Variants in TLN2 observed in about 807,000 individuals in gnomAD.
The protein encoded by TLN2 is talin 2.
A neutral mutation model predicts 294.7 loss-of-function variants in TLN2; 118 were observed. That is an observed-to-expected ratio of 0.40 (90% confidence interval 0.34 to 0.47). TLN2 has a LOEUF of 0.47. Among genes scored for constraint, TLN2 ranks in the 20% least tolerant of loss-of-function variants. The pLI, the probability that TLN2 is intolerant of heterozygous loss-of-function variation, is 0.84. For synonymous variants in TLN2, 1,431 were observed against 1,304.5 expected (o/e 1.10, Z -2.09); for missense variants, 3,083 against 3,282.2 (o/e 0.94, Z 1.48).
At chr15:62,435,596 C>T (rs926360687) in intron 1 of TLN2, among the ~76,000 whole-genome samples, 9 of 152,112 alleles carry the variant, frequency 5.9e-5, no homozygotes, top group African/African-American at 1.7e-4. Context: ...GGCTGGAGTG[C>T]GATGGCGCGA....
chr15:62,458,640 G>A (rs78715019), intron 1 of TLN2, among the ~76,000 whole-genome samples: 4 of 151,058 alleles, frequency 2.6e-5, no homozygotes, highest in South Asian at 2.1e-4. Flanking sequence ...GTCATGGTGC[G>A]CACCTATAGT....
intron 2 of TLN2, among the ~76,000 whole-genome samples, chr15:62,592,907 G>A (rs1365730825): frequency 1.3e-5 from 2 of 152,178 alleles, no homozygotes; most frequent in Non-Finnish European, 2.9e-5. Context: ...TTTATGTAAT[G>A]ACTTGTGATA....
intron 1 of TLN2, among the ~76,000 whole-genome samples, chr15:62,510,636 G>C (rs73427782): frequency 6.6e-6 from 1 of 152,174 alleles, no homozygotes; most frequent in Non-Finnish European, 1.5e-5. Flanking sequence ...ACTAATTCAT[G>C]CATGGTGATG....
In TLN2 at chr15:62,805,626, A is replaced by G. The variant is rs2066228328; in HGVS notation, c.6504A>G (p.Glu2168=). ...LTVFQSKDVP[E]KTSSPEESIR... is the part of the protein sequence containing the mutation. ...TGTTCCAGTCAAAAGACGTACCTGA[A>G]AAGACATCATCACCTGAAGAATCCA... The change falls in exon 51 of 59, where the codon GAA becomes GAG. Residue 2168 remains glutamate, a synonymous_variant. Transcript: ENST00000636159. The G allele has an allele frequency of 1.9e-6, 3 of 1,612,054 alleles. No individual in the cohort carries two copies. The highest frequency in any genetic ancestry group is 4.5e-5 in the East Asian group (2 of 44,840).
chr15:62,428,544 A>G (rs193232797), intron 1 of TLN2, among the ~76,000 whole-genome samples: 1 of 152,310 alleles, frequency 6.6e-6, no homozygotes, highest in Non-Finnish European at 1.5e-5. Context: ...TATTAAAGCC[A>G]ATTTCACTCC....
intron 1 of TLN2, among the ~76,000 whole-genome samples, chr15:62,425,177 T>C (rs1369414899): frequency 5.3e-5 from 8 of 152,126 alleles, no homozygotes; most frequent in Non-Finnish European, 8.8e-5. Flanking sequence ...GGTCTCGAAC[T>C]CCTGGCTTCA....
chr15:62,556,118 T>C (rs2042591396), intron 1 of TLN2, among the ~76,000 whole-genome samples: 1 of 151,934 alleles, frequency 6.6e-6, no homozygotes, highest in Admixed American at 6.6e-5. Flanking sequence ...CTCTCCATTA[T>C]TGTATCTTTT....
chr15:62,620,153 T>G (rs1033082176), intron 3 of TLN2, among the ~76,000 whole-genome samples: 2 of 152,066 alleles, frequency 1.3e-5, no homozygotes, highest in African/African-American at 4.8e-5. Flanking sequence ...TTTTTTATTT[T>G]TATTTTTTGT....
intron 1 of TLN2, among the ~76,000 whole-genome samples, chr15:62,505,818 G>A (rs2039585946): frequency 6.6e-6 from 1 of 152,152 alleles, no homozygotes; most frequent in Non-Finnish European, 1.5e-5. Flanking sequence ...GACCTTGTCT[G>A]CCTCTATGAT....
At chr15:62,401,962 G>A (rs1208145876) in intron 1 of TLN2, among the ~76,000 whole-genome samples, 1 of 152,090 alleles carries the variant, frequency 6.6e-6, no homozygotes, top group Non-Finnish European at 1.5e-5. Context: ...TGAGGCTACT[G>A]AACACCCTGC....
intron 16 of TLN2, 78 bp downstream of exon 16, chr15:62,698,945 T>C (rs1448463089): frequency 3.7e-6 from 5 of 1,351,554 alleles, no homozygotes; most frequent in Non-Finnish European, 5.1e-6. Context: ...TCGGGATTCA[T>C]CTAGGTAAAT....
chr15:62,570,227 C>T lies in TLN2; in HGVS notation c.-237-19460C>T, dbSNP rs190626021. 2.6e-3 allele frequency among the ~76,000 whole-genome samples: 393 copies of T among 152,328 alleles called. 1 individual carries two copies. Among genetic ancestry groups the T allele is most frequent in the African/African-American group, 9.3e-3 (385 of 41,574 alleles). ...GCCTTTCTGGACCACATTCCCCCGCCTCACCCACGGGGAGGGTGCCAGGCG... is the reference window on the plus strand; with the variant it reads ...GCCTTTCTGGACCACATTCCCCCGCTTCACCCACGGGGAGGGTGCCAGGCG... On this transcript the variant is annotated intron_variant, in intron 1 of 58. Coordinates refer to ENST00000636159, the MANE Select transcript of TLN2 (RefSeq NM_015059.3).
At position 62,762,342 on chromosome 15, in the gene TLN2, G is replaced by A. The variant is rs776245129; in HGVS notation, c.4850G>A (p.Arg1617His). 7.9e-5 allele frequency: 127 copies of A among 1,614,032 alleles called. No individual in the cohort carries two copies. The highest frequency in any genetic ancestry group is 1.0e-4 in the Non-Finnish European group (118 of 1,180,046). Residue 1617 changes from arginine to histidine, a missense_variant, in exon 39 of 59, where the codon CGC (arginine) becomes CAC (histidine). Arg to His is a conservative substitution (Grantham distance 29). Coordinates refer to ENST00000636159, the MANE Select transcript of TLN2 (RefSeq NM_015059.3). ...CTGGAGAGTTCATCGTACCTCATTC[G>A]CACTGCACGCTCTCTGGCCATCAAC... is the stretch of plus-strand genomic sequence containing the variant. ...TMLESSSYLI[R>H]TARSLAINPK...
At chr15:62,750,276 C>T (rs2061854380) in intron 33 of TLN2, 126 bp from the exon 34 acceptor site, 1 of 745,696 alleles carries the variant, frequency 1.3e-6, no homozygotes, top group African/African-American at 1.7e-5. Context: ...TCTCAAACAT[C>T]TGAGTAAAAG....
intron 1 of TLN2, among the ~76,000 whole-genome samples, chr15:62,527,583 C>A (rs2040809685): frequency 6.6e-6 from 1 of 152,182 alleles, no homozygotes; most frequent in Admixed American, 6.5e-5. Context: ...ATGGACATGC[C>A]TCAGAAATTT....
intron 1 of TLN2, among the ~76,000 whole-genome samples, chr15:62,531,221 C>T (rs1235199858): frequency 2.0e-5 from 3 of 152,192 alleles, no homozygotes; most frequent in South Asian, 4.1e-4. Flanking sequence ...GGTGTATATT[C>T]ACAGTGGAAT....
intron 2 of TLN2, among the ~76,000 whole-genome samples, chr15:62,592,974 A>G (rs4775517): frequency 0.37 from 57,001 of 152,078 alleles, 11,153 homozygotes; most frequent in East Asian, 0.58. Context: ...GTTCCCTGAA[A>G]GCTTGTAAGA....
At chr15:62,632,471 A>G (rs562573770) in intron 3 of TLN2, among the ~76,000 whole-genome samples, 1 of 152,214 alleles carries the variant, frequency 6.6e-6, no homozygotes, top group Admixed American at 6.5e-5. Flanking sequence ...ACTGCTTGCT[A>G]CTGTCCTCCC....
chr15:62,534,510 CA>C (rs2041227963), intron 1 of TLN2, among the ~76,000 whole-genome samples: 1 of 152,200 alleles, frequency 6.6e-6, no homozygotes. Context: ...GTGGATGCAC[CA>C]CCCTCCAAGA....
Sources: gnomAD v4.1 joint callset for allele counts (sites outside exome capture counted in the v4.1 genomes callset) on GRCh38, gnomAD v4.1.1 for gene constraint, MANE v1.5 for transcripts, NCBI Gene and HGNC (gene_info 2026-07-23, HGNC 2026-07-21) for gene names.